CDYL2: variants seen among roughly 807,000 people sequenced by gnomAD.
The protein encoded by CDYL2 is chromodomain Y-like protein 2.
In CDYL2, 23 loss-of-function variants were observed where a neutral mutation model predicts 49.4. That is an observed-to-expected ratio of 0.47 (90% CI 0.34 to 0.66). The LOEUF (loss-of-function observed/expected upper bound fraction) is 0.66, where lower values mean the gene tolerates loss of function less well. Ranked by LOEUF, CDYL2 falls within the 30% of genes least tolerant of loss-of-function variation. The probability of loss-of-function intolerance (pLI) is 0.01; values close to 1 mark genes in which losing one functional copy is unlikely to be tolerated. For missense variants in CDYL2, 678 were observed against 656.4 expected (o/e 1.03, Z -0.36); for synonymous variants, 360 against 268.8 (o/e 1.34, Z -3.32).
At chr16:80,758,001 T>G (rs1906372986) in intron 1 of CDYL2, among the ~76,000 whole-genome samples, 1 of 152,098 alleles carries the variant, frequency 6.6e-6, no homozygotes, top group Non-Finnish European at 1.5e-5. Flanking sequence ...CAAGGAAGGC[T>G]TTACTATAAA....
At chr16:80,778,602 T>C (rs902298411) in intron 1 of CDYL2, among the ~76,000 whole-genome samples, 8 of 152,070 alleles carry the variant, frequency 5.3e-5, no homozygotes, top group Non-Finnish European at 5.9e-5. Context: ...AGAAATATTA[T>C]GTTCTTTAAT....
At chr16:80,634,148 G>T (rs971438536) in intron 2 of CDYL2, among the ~76,000 whole-genome samples, 1 of 151,782 alleles carries the variant, frequency 6.6e-6, no homozygotes, top group African/African-American at 2.4e-5. Flanking sequence ...TGAAAGAGGG[G>T]GCATCACTAT....
chr16:80,667,804 C>T (rs750568254), intron 2 of CDYL2, among the ~76,000 whole-genome samples: 13 of 152,186 alleles, frequency 8.5e-5, no homozygotes, highest in African/African-American at 1.2e-4. Context: ...TTCCTATAAA[C>T]GAATTCATTT....
intron 1 of CDYL2, among the ~76,000 whole-genome samples, chr16:80,722,845 C>A (rs1029340596): frequency 3.9e-5 from 6 of 152,166 alleles, no homozygotes; most frequent in African/African-American, 1.4e-4. Context: ...ATACCTGGTG[C>A]CCTAAGCTTC....
intron 1 of CDYL2, among the ~76,000 whole-genome samples, chr16:80,787,327 T>C (rs1275468910): frequency 6.6e-6 from 1 of 152,136 alleles, no homozygotes; most frequent in Non-Finnish European, 1.5e-5. Flanking sequence ...AAGAAGACTT[T>C]GGTTCAATTT....
At chr16:80,724,862 T>C (rs1220259411) in intron 1 of CDYL2, among the ~76,000 whole-genome samples, 2 of 152,210 alleles carry the variant, frequency 1.3e-5, no homozygotes, top group Admixed American at 1.3e-4. Context: ...TCTTGACCCA[T>C]GGCCAATGTG....
At chr16:80,798,274 C>T (rs1206867180) in intron 1 of CDYL2, among the ~76,000 whole-genome samples, 1 of 152,190 alleles carries the variant, frequency 6.6e-6, no homozygotes, top group East Asian at 1.9e-4. Context: ...AATTCCTGGG[C>T]TCAAGCTATC....
chr16:80,708,578 A>G (rs1278327082), intron 1 of CDYL2, among the ~76,000 whole-genome samples: 2 of 152,038 alleles, frequency 1.3e-5, no homozygotes. Flanking sequence ...TAAGAAGCCA[A>G]CCCCATCCCA....
chr16:80,791,857 T>G (rs7192465), intron 1 of CDYL2, among the ~76,000 whole-genome samples: 52 of 152,076 alleles, frequency 3.4e-4, no homozygotes, highest in African/African-American at 1.3e-3. Context: ...GTTGAAAGAC[T>G]CATGAGTATA....
intron 1 of CDYL2, among the ~76,000 whole-genome samples, chr16:80,797,214 G>T (rs889362112): frequency 2.6e-4 from 40 of 152,260 alleles, no homozygotes; most frequent in African/African-American, 8.7e-4. Context: ...ACTTGCTGCT[G>T]TGGACGTCTG....
chr16:80,694,828 C>G (rs1400008986), intron 1 of CDYL2, among the ~76,000 whole-genome samples: 1 of 152,052 alleles, frequency 6.6e-6, no homozygotes. Flanking sequence ...CAAGATGACC[C>G]TAGAAGATCT....
intron 1 of CDYL2, among the ~76,000 whole-genome samples, chr16:80,763,681 G>C (rs1195143296): frequency 6.6e-6 from 1 of 152,136 alleles, no homozygotes; most frequent in Non-Finnish European, 1.5e-5. Flanking sequence ...GAGAGGAAGG[G>C]AACATCAAGC....
intron 1 of CDYL2, among the ~76,000 whole-genome samples, chr16:80,788,583 A>G (rs560910446): frequency 1.1e-4 from 16 of 152,362 alleles, no homozygotes; most frequent in South Asian, 1.0e-3. Flanking sequence ...TGATAGAAGT[A>G]TCATCTACCA....
At chr16:80,687,369 C>T (rs183168045) in intron 1 of CDYL2, among the ~76,000 whole-genome samples, 308 of 151,566 alleles carry the variant, frequency 2.0e-3, no homozygotes, top group Non-Finnish European at 3.3e-3. Flanking sequence ...TGGATGAGTG[C>T]GTGGGTGGGT....
chr16:80,680,437 C>T (rs192486338), intron 2 of CDYL2, among the ~76,000 whole-genome samples: 29 of 152,258 alleles, frequency 1.9e-4, no homozygotes, highest in Non-Finnish European at 3.4e-4. Context: ...CAAAGAGAAA[C>T]GATGGCTCCT....
intron 1 of CDYL2, among the ~76,000 whole-genome samples, chr16:80,794,091 T>C (rs1303066671): frequency 6.6e-6 from 1 of 152,246 alleles, no homozygotes; most frequent in African/African-American, 2.4e-5. Flanking sequence ...CTGTTTCATG[T>C]AGAAAAACCT....
intron 1 of CDYL2, among the ~76,000 whole-genome samples, chr16:80,770,906 G>T (rs1906884408): frequency 6.6e-6 from 1 of 152,162 alleles, no homozygotes; most frequent in Non-Finnish European, 1.5e-5. Flanking sequence ...AGAAAGCCAG[G>T]AAATGAATCC....
At position 80,672,348 on chromosome 16, in the gene CDYL2, C is replaced by CAGAG. The variant is rs1431192370; in HGVS notation, c.616+12189_616+12190insCTCT. ...ACACACACACACACACACACACACA[C>CAGAG]ACACAGAGAGAGAGAGAGAGATGAG... On this transcript the variant is annotated intron_variant, in intron 2 of 6. Transcript: ENST00000570137. Among the ~76,000 whole-genome samples, 107 of 85,188 alleles carry CAGAG rather than the reference C, an allele frequency of 1.3e-3. 1 individual carries two copies. Among genetic ancestry groups the CAGAG allele is most frequent in the South Asian group, 0.012 (27 of 2,320 alleles). 55.9% of individuals were successfully genotyped at this position (85,188 alleles called of 152,430 possible). A position where few individuals can be genotyped will look rare whatever the true frequency, so the allele number is the denominator to read the frequency against.
At chr16:80,764,070 C>A (rs549178643) in intron 1 of CDYL2, among the ~76,000 whole-genome samples, 20 of 152,090 alleles carry the variant, frequency 1.3e-4, no homozygotes, top group African/African-American at 4.1e-4. Flanking sequence ...CAAAAAAAGT[C>A]TTTAAAGATG....
Sources: allele counts gnomAD v4.1 joint callset (sites outside exome capture counted in the v4.1 genomes callset), GRCh38; gene constraint gnomAD v4.1.1; transcripts MANE v1.5; gene names NCBI Gene and HGNC (gene_info 2026-07-23, HGNC 2026-07-21).